The following NOL4 variants were observed in gnomAD, a reference collection of about 807,000 sequenced individuals.
NOL4 encodes cancer/testis antigen 125.
NOL4 carries 17 observed loss-of-function variants against 75.9 expected under a neutral mutation model. The observed-to-expected ratio is 0.22, with a 90% CI of 0.15 to 0.34. The LOEUF is 0.34. NOL4 is among the 10% of genes least tolerant of loss of function. NOL4 has a pLI of 1.00. For synonymous variants in NOL4, 292 were observed against 289.9 expected (o/e 1.01, Z -0.07); for missense variants, 614 against 793.5 (o/e 0.77, Z 2.72).
chr18:34,038,044 A>G (rs907960865), intron 5 of NOL4, among the ~76,000 whole-genome samples: 8 of 152,116 alleles, frequency 5.3e-5, no homozygotes, highest in African/African-American at 1.9e-4. Context: ...CAACTCAACA[A>G]TAAAAAAACA....
At chr18:33,927,626 T>A (rs2145365181) in intron 9 of NOL4, among the ~76,000 whole-genome samples, 1 of 152,290 alleles carries the variant, frequency 6.6e-6, no homozygotes, top group South Asian at 2.1e-4. Context: ...TTGAAAAATG[T>A]ATAAGGATTT....
chr18:33,949,551 C>T (rs1353664539), intron 8 of NOL4, among the ~76,000 whole-genome samples: 1 of 152,134 alleles, frequency 6.6e-6, no homozygotes, highest in East Asian at 1.9e-4. Flanking sequence ...AATCAATACA[C>T]AAGAGAAGCA....
At chr18:33,899,055 A>C (rs1262081536) in intron 9 of NOL4, among the ~76,000 whole-genome samples, 1 of 152,190 alleles carries the variant, frequency 6.6e-6, no homozygotes, top group African/African-American at 2.4e-5. Flanking sequence ...AACTAGGGGA[A>C]GAATTTCATT....
chr18:34,177,328 T>G (rs867937713), intron 1 of NOL4, among the ~76,000 whole-genome samples: 1 of 151,900 alleles, frequency 6.6e-6, no homozygotes, highest in African/African-American at 2.4e-5. Flanking sequence ...TAGGAAATTT[T>G]GGGGAGTAAT....
chr18:33,992,653 G>C (rs559107290), intron 6 of NOL4, among the ~76,000 whole-genome samples: 76 of 152,088 alleles, frequency 5.0e-4, no homozygotes, highest in Middle Eastern at 3.4e-3. Flanking sequence ...CTACCCAGGA[G>C]GGGCAAGATC....
At chr18:33,983,947 C>A (rs952226820) in intron 6 of NOL4, among the ~76,000 whole-genome samples, 1 of 151,912 alleles carries the variant, frequency 6.6e-6, no homozygotes, top group African/African-American at 2.4e-5. Flanking sequence ...GCCTAATTTA[C>A]AAAGTAATGT....
At chr18:34,150,324 C>G (rs1200399655) in intron 1 of NOL4, among the ~76,000 whole-genome samples, 1 of 151,522 alleles carries the variant, frequency 6.6e-6, no homozygotes, top group East Asian at 1.9e-4. Flanking sequence ...AGGACTAACA[C>G]TACTCAATTT....
intron 2 of NOL4, among the ~76,000 whole-genome samples, chr18:34,126,417 C>T (rs947724031): frequency 3.3e-5 from 5 of 152,076 alleles, no homozygotes; most frequent in African/African-American, 9.7e-5. Context: ...ATGAGTAATA[C>T]ATATAAGTTT....
intron 5 of NOL4, among the ~76,000 whole-genome samples, chr18:34,059,154 T>TATATATATAC (rs2076965593): frequency 7.3e-6 from 1 of 136,130 alleles, no homozygotes; most frequent in South Asian, 2.3e-4. Flanking sequence ...TATATATATA[T>TATATATATAC]ATACACATGC....
At chr18:34,043,295 T>C (rs1223967703) in intron 5 of NOL4, among the ~76,000 whole-genome samples, 2 of 152,104 alleles carry the variant, frequency 1.3e-5, no homozygotes, top group Admixed American at 1.3e-4. Context: ...CATGTATAGA[T>C]GGATGAATGG....
chr18:33,932,666 T>C lies in NOL4; in HGVS notation c.1542+10399A>G, dbSNP rs988320026. On this transcript the variant is annotated intron_variant, in intron 9 of 10. Coordinates refer to ENST00000261592, the MANE Select transcript of NOL4 (RefSeq NM_003787.5). Reference sequence around the variant, plus strand: ...TATGTATTTCATTATTTCCTAATTATAAAAAATCCTATGTGATTGAGAAGA... The same window carrying C: ...TATGTATTTCATTATTTCCTAATTACAAAAAATCCTATGTGATTGAGAAGA... Among the ~76,000 whole-genome samples, 6 of 152,212 alleles carry C rather than the reference T, an allele frequency of 3.9e-5. No individual in the cohort carries two copies. In the South Asian group the frequency reaches 1.2e-3, roughly 32 times the overall value.
At chr18:33,867,582 C>T (rs1391467858) in intron 10 of NOL4, among the ~76,000 whole-genome samples, 1 of 152,100 alleles carries the variant, frequency 6.6e-6, no homozygotes, top group Non-Finnish European at 1.5e-5. Flanking sequence ...ACGCCCCTTG[C>T]TTACCACAAT....
intron 6 of NOL4, among the ~76,000 whole-genome samples, chr18:33,958,700 A>G (rs1231423708): frequency 1.3e-5 from 2 of 152,196 alleles, no homozygotes; most frequent in Non-Finnish European, 2.9e-5. Flanking sequence ...AAGAGCAATT[A>G]GTGTTTCCTC....
intron 6 of NOL4, among the ~76,000 whole-genome samples, chr18:33,998,034 C>T (rs1453370946): frequency 1.3e-5 from 2 of 151,868 alleles, no homozygotes; most frequent in Non-Finnish European, 2.9e-5. Context: ...ATAAAGATGA[C>T]ATCATATATG....
chr18:33,987,608 C>T (rs1034210856), intron 6 of NOL4, among the ~76,000 whole-genome samples: 10 of 152,190 alleles, frequency 6.6e-5, no homozygotes, highest in African/African-American at 9.6e-5. Context: ...CCAAAAGCAA[C>T]GATAACTGCA....
At chr18:34,082,044 A>T (rs1389463709) in intron 5 of NOL4, among the ~76,000 whole-genome samples, 5 of 152,190 alleles carry the variant, frequency 3.3e-5, no homozygotes, top group African/African-American at 7.2e-5. Flanking sequence ...AAACATCTAC[A>T]AGTGGTTATT....
intron 6 of NOL4, among the ~76,000 whole-genome samples, chr18:33,976,471 T>C (rs2071495694): frequency 6.6e-6 from 1 of 152,188 alleles, no homozygotes; most frequent in Admixed American, 6.6e-5. Flanking sequence ...ATTAAAGTTA[T>C]TACCTATCAT....
At chr18:34,149,739 T>C (rs2081565561) in intron 1 of NOL4, among the ~76,000 whole-genome samples, 1 of 151,680 alleles carries the variant, frequency 6.6e-6, no homozygotes, top group Non-Finnish European at 1.5e-5. Context: ...AAAGCTACTA[T>C]TTTATTTTAA....
chr18:34,090,236 T>C (rs1456758873), intron 5 of NOL4, among the ~76,000 whole-genome samples: 3 of 152,154 alleles, frequency 2.0e-5, no homozygotes, highest in Non-Finnish European at 4.4e-5. Context: ...TAAAAAGTTA[T>C]ATTTTAATCA....
Sources: gnomAD v4.1 joint callset for allele counts (sites outside exome capture counted in the v4.1 genomes callset) on GRCh38, gnomAD v4.1.1 for gene constraint, MANE v1.5 for transcripts, NCBI Gene and HGNC (gene_info 2026-07-23, HGNC 2026-07-21) for gene names.